The following SEMA4D variants were observed in gnomAD, a reference collection of about 807,000 sequenced individuals.
The protein encoded by SEMA4D is semaphorin-4D.
SEMA4D carries 22 observed loss-of-function variants against 74.8 expected under a neutral mutation model. The ratio of observed to expected loss-of-function variants is 0.29; its 90% CI spans 0.21 to 0.42. The LOEUF is 0.42. Ranked by LOEUF, SEMA4D falls within the 10% of genes least tolerant of loss-of-function variation. The pLI is 1.00. For synonymous variants in SEMA4D, 445 were observed against 463.7 expected, an observed-to-expected ratio of 0.96 and a Z score of 0.52; for missense variants, 937 against 1,118.4, an observed-to-expected ratio of 0.84 and a Z score of 2.31.
intron 15 of SEMA4D, among the ~76,000 whole-genome samples, chr9:89,380,651 T>A (rs1836817884): frequency 6.6e-6 from 1 of 152,108 alleles, no homozygotes; most frequent in African/African-American, 2.4e-5. Flanking sequence ...TGGTGCTATT[T>A]CAGACATCCA....
chr9:89,454,783 G>A (rs1855528682), intron 2 of SEMA4D, among the ~76,000 whole-genome samples: 1 of 152,168 alleles, frequency 6.6e-6, no homozygotes, highest in South Asian at 2.1e-4. Flanking sequence ...GCCAGCCCAG[G>A]CCACCCTCGG....
chr9:89,361,983 A>AG, exon 19 of SEMA4D: 1 of 272,428 alleles, frequency 3.7e-6, no homozygotes. Context: ...GTTGGCTATT[A>AG]GGGGGTGGGG....
intron 2 of SEMA4D, chr9:89,450,033 C>T (rs1587981693): frequency 1.4e-6 from 2 of 1,427,938 alleles, no homozygotes; most frequent in Non-Finnish European, 9.9e-7. Context: ...CCTGGTCACA[C>T]CTGGAAATCA....
intron 13 of SEMA4D, 24 bp downstream of exon 13, chr9:89,386,343 G>T: frequency 6.4e-7 from 1 of 1,563,022 alleles, no homozygotes; most frequent in Non-Finnish European, 8.8e-7. Flanking sequence ...GAAGCCCCCG[G>T]TCCAGCTGCC....
intron 17 of SEMA4D, chr9:89,363,624 A>G: frequency 3.1e-6 from 5 of 1,590,418 alleles, no homozygotes; most frequent in Non-Finnish European, 4.3e-6. Flanking sequence ...AGCCAATAAA[A>G]CCCAAACCCA....
chr9:89,481,586 C>T (rs112213478), intron 1 of SEMA4D, among the ~76,000 whole-genome samples: 6 of 152,190 alleles, frequency 3.9e-5, no homozygotes, highest in South Asian at 4.1e-4. Flanking sequence ...ACACCCGTGG[C>T]GGATATAAAT....
Position 89,378,523 on chromosome 9 carries a change from G to A in SEMA4D, c.*181C>T, listed in dbSNP as rs1333471652. 1.7e-5 allele frequency: 10 copies of A among 591,008 alleles called. No homozygotes were observed. Among genetic ancestry groups the A allele is most frequent in the Non-Finnish European group, 2.7e-5 (9 of 333,570 alleles). The allele number at this position is 591,008 out of a possible 1,614,324, so 36.6% of individuals were successfully genotyped here. On this transcript the variant is annotated 3_prime_UTR_variant, in exon 16 of 16. Transcript: ENST00000422704. The stretch of plus-strand genomic sequence containing the variant: ...CTTGTCATTTTTCCAAAAGGACAAA[G>A]AGAAACCAAGTCACAGGCTCAACCC...
chr9:89,392,410 T>TGC lies in SEMA4D; in HGVS notation c.622+11_622+12dup. The TGC allele has an allele frequency of 6.4e-7, 1 of 1,572,650 alleles. No homozygotes were observed. ...ACACGCACCTCCCACTAAGGTGCAC[T>TGC]GCTCTTCCTTACCGTTCAGCCAAGG... On this transcript the variant is annotated intron_variant, in intron 8 of 15. Transcript: ENST00000422704.
At chr9:89,368,987 T>C (rs1422458495) in intron 16 of SEMA4D, 2 of 152,194 alleles carry the variant, frequency 1.3e-5, no homozygotes, top group Non-Finnish European at 2.9e-5. Context: ...GCACGTGGAA[T>C]TATCCCAGAT....
chr9:89,377,587 G>A lies in SEMA4D; in HGVS notation c.*1117C>T, dbSNP rs111708529. ...GTCACAGCTCGCGGCCCCGGCCACCGAGGCCCAGTTCCCTTCCAGTAGTGG... is the reference window on the plus strand; with the variant it reads ...GTCACAGCTCGCGGCCCCGGCCACCAAGGCCCAGTTCCCTTCCAGTAGTGG... On this transcript the variant is annotated 3_prime_UTR_variant, in exon 16 of 16. Coordinates refer to ENST00000422704, the MANE Select transcript of SEMA4D (RefSeq NM_001371194.2). The A allele has an allele frequency of 6.6e-3, 1,000 of 152,440 alleles. 12 individuals are homozygous for A. The highest frequency in any genetic ancestry group is 0.026 in the South Asian group (125 of 4,836). 9.4% of individuals were successfully genotyped at this position (152,440 alleles called of 1,614,324 possible). A position where few individuals can be genotyped will look rare whatever the true frequency, so the allele number is the denominator to read the frequency against.
chr9:89,408,894 C>G (rs1452810568), intron 2 of SEMA4D, among the ~76,000 whole-genome samples: 1 of 152,216 alleles, frequency 6.6e-6, no homozygotes, highest in African/African-American at 2.4e-5. Context: ...TGGCATGTCC[C>G]CCAGCTGGGC....
rs920621067 is a variant in SEMA4D at position 89,498,080 on chromosome 9, C to T, written c.-471G>A. 3 of 148,994 alleles carry T rather than the reference C, an allele frequency of 2.0e-5. No homozygotes were observed. Among genetic ancestry groups the T allele is most frequent in the Non-Finnish European group, 3.0e-5 (2 of 66,444 alleles). The allele number at this position is 148,994 out of a possible 1,614,324, so 9.2% of individuals were successfully genotyped here. On this transcript the variant is annotated 5_prime_UTR_variant, in exon 1 of 16. Transcript: ENST00000422704. ...GCGGCGGCTGGGATGCTGCGGCGCG[C>T]GAGAGCGCTGAGGCCGGCGCGGGGA... is the stretch of plus-strand genomic sequence containing the variant.
chr9:89,430,299 G>C (rs1436430509), intron 2 of SEMA4D, among the ~76,000 whole-genome samples: 1 of 152,124 alleles, frequency 6.6e-6, no homozygotes, highest in African/African-American at 2.4e-5. Context: ...CCTCCAGACA[G>C]CTCCCCAACC....
chr9:89,364,087 T>C (rs764365186), intron 16 of SEMA4D: 36 of 1,550,744 alleles, frequency 2.3e-5, no homozygotes, highest in Non-Finnish European at 3.1e-5. Context: ...ATTCAGTCCC[T>C]GGGACTGCCC....
At chr9:89,380,199 A>G (rs897260883) in intron 15 of SEMA4D, among the ~76,000 whole-genome samples, 4 of 151,636 alleles carry the variant, frequency 2.6e-5, no homozygotes, top group African/African-American at 9.7e-5. Flanking sequence ...GGCCTGGCTA[A>G]TTTTTGTATT....
intron 2 of SEMA4D, among the ~76,000 whole-genome samples, chr9:89,416,832 CCCA>C (rs1176717748): frequency 6.6e-6 from 1 of 152,186 alleles, no homozygotes; most frequent in African/African-American, 2.4e-5. Context: ...AAAATTGAAA[CCCA>C]CCACATTAGT....
chr9:89,418,704 T>G (rs574921516), intron 2 of SEMA4D: 2 of 152,220 alleles, frequency 1.3e-5, no homozygotes, highest in East Asian at 3.9e-4. Context: ...GATCGTGGGG[T>G]GCAGTAGCAG....
chr9:89,447,569 C>T (rs539138910), intron 2 of SEMA4D, among the ~76,000 whole-genome samples: 5 of 152,280 alleles, frequency 3.3e-5, no homozygotes, highest in African/African-American at 7.2e-5. Flanking sequence ...TTCAAATAAG[C>T]GCTGAAGGGA....
At chr9:89,438,860 T>C (rs1009700890) in intron 2 of SEMA4D, among the ~76,000 whole-genome samples, 1 of 150,220 alleles carries the variant, frequency 6.7e-6, no homozygotes, top group African/African-American at 2.5e-5. Context: ...AGAGACGGGG[T>C]TTCACCGTGT....
Sources: gnomAD v4.1 joint callset for allele counts (sites outside exome capture counted in the v4.1 genomes callset) on GRCh38, gnomAD v4.1.1 for gene constraint, MANE v1.5 for transcripts, NCBI Gene and HGNC (gene_info 2026-07-23, HGNC 2026-07-21) for gene names.